Variants in STOX2 observed in about 807,000 individuals in gnomAD.
STOX2 encodes storkhead box 2, also known as storkhead-box protein 2.
Under a neutral mutation model 60.9 loss-of-function variants are expected in STOX2, and 28 were observed. The observed-to-expected ratio is 0.46, with a 90% confidence interval of 0.34 to 0.63. The LOEUF is 0.63. Among genes scored for constraint, STOX2 ranks in the 30% least tolerant of loss-of-function variants. The pLI is 0.01. For missense variants in STOX2, 1,024 were observed against 1,187.7 expected (o/e 0.86, Z 2.03); for synonymous variants, 472 against 463.9 (o/e 1.02, Z -0.22).
chr4:183,884,408 C>T (rs1171527426), intron 1 of STOX2, among the ~76,000 whole-genome samples: 2 of 151,620 alleles, frequency 1.3e-5, no homozygotes, highest in South Asian at 2.1e-4. Flanking sequence ...GAGGCTGAGG[C>T]GGATGGATCG....
At chr4:183,827,069 C>G (rs565646677) in intron 1 of STOX2, among the ~76,000 whole-genome samples, 38 of 152,248 alleles carry the variant, frequency 2.5e-4, no homozygotes, top group African/African-American at 8.4e-4. Flanking sequence ...TGGTTAGGTG[C>G]CCAGGGTCAC....
Position 184,010,682 on chromosome 4 carries a change from C to T in STOX2, c.1844C>T (p.Ser615Leu), listed in dbSNP as rs368929688. The T allele has an allele frequency of 2.6e-5, 42 of 1,613,328 alleles. No homozygotes were observed. The highest frequency in any genetic ancestry group is 4.0e-5 in the African/African-American group (3 of 75,014). ...AGTGAGACGGTGCTCACGGCACCAT[C>T]ACCTCTGGGAAAGAATAAGGAGGAC... ...TSSETVLTAP[S>L]PLGKNKEDHD... Residue 615 changes from serine (S) to leucine (L), a missense_variant, in exon 3 of 4, where the codon TCA becomes TTA. Coordinates refer to ENST00000308497, the MANE Select transcript of STOX2 (RefSeq NM_020225.3). This position sits in a 1 kb window ranked among gnomAD's most constrained non-coding sequence, Gnocchi z 4.5.
At chr4:183,876,416 A>G (rs2111168473) in intron 1 of STOX2, among the ~76,000 whole-genome samples, 1 of 152,312 alleles carries the variant, frequency 6.6e-6, no homozygotes, top group East Asian at 1.9e-4. Context: ...TCTGACCAGG[A>G]GGTCAGATAA....
chr4:183,967,430 A>G (rs190393430), intron 1 of STOX2, among the ~76,000 whole-genome samples: 14 of 151,416 alleles, frequency 9.2e-5, no homozygotes, highest in Admixed American at 2.6e-4. Context: ...TGTGCATATG[A>G]GTGAGAATGT....
intron 1 of STOX2, among the ~76,000 whole-genome samples, chr4:183,928,792 C>T (rs1742319444): frequency 6.6e-6 from 1 of 151,362 alleles, no homozygotes; most frequent in African/African-American, 2.4e-5. Context: ...GGCGACAGAG[C>T]GAGACTCCAT....
At chr4:183,970,182 G>GTGTGTGTGTGT (rs1560911416) in intron 1 of STOX2, among the ~76,000 whole-genome samples, 9 of 134,054 alleles carry the variant, frequency 6.7e-5, no homozygotes, top group African/African-American at 2.4e-4. Context: ...GTGTGTGTGT[G>GTGTGTGTGTGT]GGGTTCCAGC....
chr4:183,945,159 T>C (rs531222972), intron 1 of STOX2, among the ~76,000 whole-genome samples: 1 of 152,310 alleles, frequency 6.6e-6, no homozygotes, highest in Admixed American at 6.5e-5. Context: ...CAAAATTTCA[T>C]CAATTGTCAG....
chr4:184,009,229 C>A lies in STOX2; in HGVS notation c.391C>A (p.Pro131Thr). The part of the protein sequence containing the change: ...NTLVRERKIY[P>T]TPDGYFIVTP... ...GCTGGTACGGGAGAGGAAGATCTAC[C>A]CAACTCCAGATGGCTACTTCATCGT... Residue 131 changes from proline to threonine, a missense_variant, in exon 3 of 4, where the codon CCA becomes ACA. Physicochemically the swap from Pro to Thr is conservative, Grantham distance 38. Around this residue, in one of 3 missense-constraint regions of STOX2, gnomAD observed 922 missense variants for 1,058.3 expected, o/e 0.87. Transcript: ENST00000308497. The surrounding 1 kb of genome is among the most constrained non-coding windows in gnomAD (Gnocchi z 4.0). The A allele has an allele frequency of 6.3e-7, 1 of 1,579,968 alleles. No individual in the cohort carries two copies. Among genetic ancestry groups the A allele is most frequent in the Non-Finnish European group, 8.6e-7 (1 of 1,157,158 alleles).
At chr4:184,017,009 C>A (rs1734400826) in intron 3 of STOX2, 80 bp from the exon 4 acceptor site, 2 of 1,174,740 alleles carry the variant, frequency 1.7e-6, no homozygotes, top group African/African-American at 1.6e-5. Context: ...TTAACGACAT[C>A]ATTTGCTCTT....
At chr4:183,798,227 T>C (rs760936761) in intron 1 of STOX2, among the ~76,000 whole-genome samples, 2 of 151,208 alleles carry the variant, frequency 1.3e-5, no homozygotes, top group Non-Finnish European at 3.0e-5. Context: ...GAGCGTGGGA[T>C]TGGGGAACTT....
chr4:183,889,458 C>T (rs953168427), intron 1 of STOX2, among the ~76,000 whole-genome samples: 7 of 152,256 alleles, frequency 4.6e-5, no homozygotes, highest in African/African-American at 1.7e-4. Context: ...ACCTTGATCA[C>T]AGACTTCTGG....
At chr4:183,986,462 C>T (rs1038991102) in intron 1 of STOX2, among the ~76,000 whole-genome samples, 3 of 152,154 alleles carry the variant, frequency 2.0e-5, no homozygotes, top group Non-Finnish European at 4.4e-5. Context: ...AGGGGGGACC[C>T]CAGGAGGGCA....
At chr4:183,967,055 G>C (rs1265679182) in intron 1 of STOX2, among the ~76,000 whole-genome samples, 1 of 152,148 alleles carries the variant, frequency 6.6e-6, no homozygotes, top group African/African-American at 2.4e-5. Context: ...TAGGAGGTGG[G>C]AAGGGTAGGC....
intron 1 of STOX2, among the ~76,000 whole-genome samples, chr4:183,995,792 A>T (rs371958239): frequency 6.4e-4 from 97 of 152,288 alleles, no homozygotes; most frequent in African/African-American, 2.2e-3. Context: ...TTTTCTCTGT[A>T]TCTCACCACC....
At chr4:183,978,315 A>G (rs1003151221) in intron 1 of STOX2, among the ~76,000 whole-genome samples, 1 of 152,162 alleles carries the variant, frequency 6.6e-6, no homozygotes, top group Non-Finnish European at 1.5e-5. Context: ...TCTTCTACAT[A>G]TTGGCTTTCC....
chr4:183,888,105 T>C (rs757984175), intron 1 of STOX2, among the ~76,000 whole-genome samples: 3 of 152,172 alleles, frequency 2.0e-5, no homozygotes, highest in Non-Finnish European at 2.9e-5. Flanking sequence ...CTTAGGGCCA[T>C]GTGTATCTTT....
chr4:183,849,671 T>C (rs916018239), intron 1 of STOX2, among the ~76,000 whole-genome samples: 1 of 152,156 alleles, frequency 6.6e-6, no homozygotes, highest in Non-Finnish European at 1.5e-5. Flanking sequence ...GTGGGAGATC[T>C]CTACCAAGAT....
intron 1 of STOX2, among the ~76,000 whole-genome samples, chr4:183,954,281 T>TATTTG (rs1553981410): frequency 6.6e-6 from 1 of 150,710 alleles, no homozygotes; most frequent in Non-Finnish European, 1.5e-5. Flanking sequence ...GGTTTTTTTG[T>TATTTG]TTTTTGTTTT....
Position 184,001,540 on chromosome 4 carries a change from C to G in STOX2, c.319+63C>G. 1.3e-6 allele frequency: 2 copies of G among 1,525,968 alleles called. No homozygotes were observed. Among genetic ancestry groups the G allele is most frequent in the Non-Finnish European group, 9.0e-7 (1 of 1,112,156 alleles). 94.5% of individuals were successfully genotyped at this position (1,525,968 alleles called of 1,614,324 possible). A position where few individuals can be genotyped will look rare whatever the true frequency, so the allele number is the denominator to read the frequency against. The stretch of plus-strand genomic sequence containing the variant: ...TGTGCTGTGGTCGCTCTAGGACTCA[C>G]GTGGACTGTTCTGCCCATGTTTAAA... On this transcript the variant is annotated intron_variant, in intron 2 of 3. Transcript: ENST00000308497. The surrounding 1 kb of genome is among the most constrained non-coding windows in gnomAD (Gnocchi z 4.2).
Sources: gnomAD v4.1 joint callset for allele counts (sites outside exome capture counted in the v4.1 genomes callset) on GRCh38, gnomAD v4.1.1 for gene constraint, gnomAD v4.1.1 regional missense constraint, Gnocchi (gnomAD v3.1) non-coding constraint, MANE v1.5 for transcripts, NCBI Gene and HGNC (gene_info 2026-07-23, HGNC 2026-07-21) for gene names.